The following ERO1B variants were observed in gnomAD, a reference collection of about 807,000 sequenced individuals.
The protein encoded by ERO1B is endoplasmic reticulum oxidoreductase 1 beta, also known as ERO1-like protein beta.
In ERO1B, 49 loss-of-function variants were observed where a neutral mutation model predicts 75.3. That is an observed-to-expected ratio of 0.65 (90% CI 0.52 to 0.83). The LOEUF (loss-of-function observed/expected upper bound fraction) is 0.83. Ranked by LOEUF, ERO1B falls within the 40% of genes least tolerant of loss-of-function variation. The pLI is 0.00. For synonymous variants in ERO1B, 191 were observed against 192.9 expected, an observed-to-expected ratio of 0.99 and a Z score of 0.08; for missense variants, 512 against 560.1, an observed-to-expected ratio of 0.91 and a Z score of 0.87.
At chr1:236,246,480 C>A (rs2102953151) in intron 5 of ERO1B, among the ~76,000 whole-genome samples, 1 of 152,132 alleles carries the variant, frequency 6.6e-6, no homozygotes, top group East Asian at 1.9e-4. Flanking sequence ...CTGTATCCAC[C>A]AAAATATTTC....
rs745623591 is a variant in ERO1B at position 236,281,747 on chromosome 1, C to T, written c.37G>A (p.Gly13Arg). The T allele has an allele frequency of 2.6e-6, 4 of 1,517,446 alleles. No individual in the cohort carries two copies. The highest frequency in any genetic ancestry group is 2.6e-5 in the East Asian group (1 of 39,118). The allele number at this position is 1,517,446 out of a possible 1,614,324, so 94.0% of individuals were successfully genotyped here. A position where few individuals can be genotyped will look rare whatever the true frequency, so the allele number is the denominator to read the frequency against. ...QGVRRAGAGQ[G>R]VAAAVQLLVT... is the part of the protein sequence containing the mutation. ...AGCAGCTGCACCGCGGCCGCTACCC[C>T]CTGCCCAGCGCCTGCCCGGCGGACC... Residue 13 changes from glycine (G) to arginine (R), a missense_variant, in exon 1 of 16, where the codon GGG becomes AGG. Transcript: ENST00000354619.
At chr1:236,232,100 C>A (rs1664423888) in intron 9 of ERO1B, among the ~76,000 whole-genome samples, 2 of 152,308 alleles carry the variant, frequency 1.3e-5, no homozygotes, top group South Asian at 4.1e-4. Flanking sequence ...CTCCAGTAAG[C>A]TTTCCCACAT....
chr1:236,220,759 AAAG>A (rs1664118728), intron 15 of ERO1B, 70 bp downstream of exon 15: 3 of 1,412,378 alleles, frequency 2.1e-6, no homozygotes, highest in Non-Finnish European at 2.8e-6. Context: ...TACTTTTAGC[AAAG>A]AAGATTATCT....
At chr1:236,233,016 T>A (rs1269660221) in intron 8 of ERO1B, among the ~76,000 whole-genome samples, 177 bp from the exon 9 acceptor site, 1 of 152,034 alleles carries the variant, frequency 6.6e-6, no homozygotes, top group East Asian at 1.9e-4. Flanking sequence ...GAGTATAAGA[T>A]TTGCACATTT....
In ERO1B at chr1:236,226,323, G is replaced by C. The variant is rs1295666323; in HGVS notation, c.998C>G (p.Ala333Gly). The change falls in exon 12 of 16, where the codon GCA becomes GGA. Residue 333 changes from alanine to glycine, a missense_variant. Transcript: ENST00000354619. ...AGTTTTTGTGTCAGCATCTTCTTCT[G>C]CATTTCCAGTGTAAAGATCGACAAT... Reference protein sequence around the residue: ...RSIVDLYTGNAEEDADTKTLL... With the variant: ...RSIVDLYTGNGEEDADTKTLL... The C allele has an allele frequency of 6.2e-7, 1 of 1,613,956 alleles. No homozygotes were observed. Among genetic ancestry groups the C allele is most frequent in the South Asian group, 1.1e-5 (1 of 91,066 alleles).
intron 2 of ERO1B, among the ~76,000 whole-genome samples, chr1:236,254,054 G>T (rs1277129192): frequency 6.6e-6 from 1 of 152,168 alleles, no homozygotes; most frequent in Non-Finnish European, 1.5e-5. Context: ...GCAATAAAAA[G>T]CCTGGGCAGT....
intron 8 of ERO1B, among the ~76,000 whole-genome samples, chr1:236,234,278 G>A (rs1664485028): frequency 6.6e-6 from 1 of 151,526 alleles, no homozygotes; most frequent in Admixed American, 6.6e-5. Context: ...CATCTTTTCA[G>A]CAGTGTTATG....
At chr1:236,260,654 G>A (rs1019616321) in intron 2 of ERO1B, among the ~76,000 whole-genome samples, 4 of 142,998 alleles carry the variant, frequency 2.8e-5, no homozygotes, top group Non-Finnish European at 6.0e-5. Flanking sequence ...AACAGAGCAA[G>A]AGTTGGTCTC....
chr1:236,273,245 T>A (rs1350732637), intron 1 of ERO1B, among the ~76,000 whole-genome samples: 1 of 152,050 alleles, frequency 6.6e-6, no homozygotes, highest in East Asian at 1.9e-4. Context: ...AAGCCAAAAA[T>A]CATGACAATA....
chr1:236,268,382 G>A (rs1028244504), intron 2 of ERO1B, among the ~76,000 whole-genome samples: 2 of 152,062 alleles, frequency 1.3e-5, no homozygotes, highest in African/African-American at 4.8e-5. Context: ...GGAGGTTGCA[G>A]TGAACTGAGA....
intron 2 of ERO1B, among the ~76,000 whole-genome samples, chr1:236,266,445 A>G (rs1665438304): frequency 6.6e-6 from 1 of 152,130 alleles, no homozygotes; most frequent in African/African-American, 2.4e-5. Flanking sequence ...ATCTACTAAA[A>G]ATATAAAAAT....
At chr1:236,226,787 G>T in intron 10 of ERO1B, 48 bp from the exon 11 acceptor site, 3 of 1,426,300 alleles carry the variant, frequency 2.1e-6, no homozygotes, top group Non-Finnish European at 2.9e-6. Flanking sequence ...TTAGATATCA[G>T]AAATATTGAC....
Position 236,217,262 on chromosome 1 carries a change from C to T in ERO1B, c.*1254G>A, listed in dbSNP as rs1184048534. On this transcript the variant is annotated 3_prime_UTR_variant, in exon 16 of 16. Transcript: ENST00000354619. ...TTACTTCTACACAGATGCAATCTTC[C>T]AAATTGTATCTGCTGACATTTAAAA... 6.6e-6 allele frequency: 1 copy of T among 152,004 alleles called. No homozygotes were observed. The highest frequency in any genetic ancestry group is 1.5e-5 in the Non-Finnish European group (1 of 67,966). 9.4% of individuals were successfully genotyped at this position (152,004 alleles called of 1,614,324 possible).
chr1:236,244,888 C>G (rs1664802649), intron 5 of ERO1B, among the ~76,000 whole-genome samples: 1 of 152,166 alleles, frequency 6.6e-6, no homozygotes, highest in African/African-American at 2.4e-5. Flanking sequence ...TAACTCAGCA[C>G]TTCCTTTCAA....
At position 236,226,292 on chromosome 1, in the gene ERO1B, T is replaced by C. The variant is rs371740787; in HGVS notation, c.1029A>G (p.Leu343=). Residue 343 remains leucine (L), a synonymous_variant, in exon 12 of 16, where the codon CTA becomes CTG. Coordinates refer to ENST00000354619, the MANE Select transcript of ERO1B (RefSeq NM_019891.4). ...AEEDADTKTL[L]LNIFQDTKSF... ...ACTTTGTATCTTGAAAGATATTCAG[T>C]AGAAGAGTTTTTGTGTCAGCATCTT... 81 of 1,613,806 alleles carry C rather than the reference T, an allele frequency of 5.0e-5. No homozygotes were observed. Among genetic ancestry groups the C allele is most frequent in the Non-Finnish European group, 6.7e-5 (79 of 1,179,902 alleles).
chr1:236,268,372 G>A (rs866993435), intron 2 of ERO1B, among the ~76,000 whole-genome samples: 14 of 151,750 alleles, frequency 9.2e-5, no homozygotes, highest in African/African-American at 1.5e-4. Flanking sequence ...GCCAGGAGGC[G>A]GAGGTTGCAG....
At chr1:236,233,074 C>T (rs1366924856) in intron 8 of ERO1B, among the ~76,000 whole-genome samples, 1 of 151,316 alleles carries the variant, frequency 6.6e-6, no homozygotes. Flanking sequence ...CTTTGGGAGG[C>T]CAAGGTGGGT....
At chr1:236,258,993 T>C (rs1665232220) in intron 2 of ERO1B, among the ~76,000 whole-genome samples, 1 of 152,168 alleles carries the variant, frequency 6.6e-6, no homozygotes, top group African/African-American at 2.4e-5. Flanking sequence ...AAATATCAAT[T>C]ATATATCTAA....
At position 236,253,423 on chromosome 1, in the gene ERO1B, T is replaced by G; in HGVS notation, c.305A>C (p.Glu102Ala). Residue 102 changes from glutamate (E) to alanine (A), a missense_variant and splice_region_variant, in exon 3 of 16, where the codon GAG becomes GCG. Glu to Ala is a moderately radical substitution (Grantham distance 107). Transcript: ENST00000354619. ...IKDCHVEPCP[E>A]SKIPVGIKAG... is the part of the protein sequence containing the mutation. ...GCCCTGTTATTTTATTTATTATACC[T>G]CTGGACAGGGCTCCACATGACAGTC... 1 of 1,595,478 alleles carries G rather than the reference T, an allele frequency of 6.3e-7. No individual in the cohort carries two copies. The highest frequency in any genetic ancestry group is 1.3e-5 in the African/African-American group (1 of 74,682).
Sources: allele counts gnomAD v4.1 joint callset (sites outside exome capture counted in the v4.1 genomes callset), GRCh38; gene constraint gnomAD v4.1.1; transcripts MANE v1.5; gene names NCBI Gene and HGNC (gene_info 2026-07-23, HGNC 2026-07-21).